SYNCRIP: variants seen among roughly 807,000 people sequenced by gnomAD.
The protein encoded by SYNCRIP is heterogeneous nuclear ribonucleoprotein Q.
SYNCRIP carries 9 observed loss-of-function variants against 68.9 expected under a neutral mutation model. The ratio of observed to expected loss-of-function variants is 0.13; its 90% CI spans 0.08 to 0.23. The LOEUF is 0.23. Among genes scored for constraint, SYNCRIP ranks in the 10% least tolerant of loss-of-function variants. The probability of loss-of-function intolerance (pLI) is 1.00; values close to 1 mark genes in which losing one functional copy is unlikely to be tolerated. For synonymous variants in SYNCRIP, 258 were observed against 254.0 expected (o/e 1.02, Z -0.15); for missense variants, 414 against 770.6 (o/e 0.54, Z 5.48).
intron 4 of SYNCRIP, among the ~76,000 whole-genome samples, chr6:85,638,278 C>T (rs1288599788): frequency 6.9e-6 from 1 of 145,804 alleles, no homozygotes; most frequent in Non-Finnish European, 1.5e-5. Flanking sequence ...GAGGCTGAGG[C>T]AGAGAACTGC....
chr6:85,625,128 T>C (rs981766090), intron 6 of SYNCRIP, among the ~76,000 whole-genome samples: 3 of 152,112 alleles, frequency 2.0e-5, no homozygotes, highest in African/African-American at 7.2e-5. Context: ...TCCCTGTCCC[T>C]TCCCCATCTC....
At chr6:85,629,816 A>G (rs949828366) in intron 6 of SYNCRIP, among the ~76,000 whole-genome samples, 2 of 150,974 alleles carry the variant, frequency 1.3e-5, no homozygotes, top group South Asian at 2.1e-4. Context: ...GGCGAGATTC[A>G]TATCAAAACA....
At chr6:85,633,009 T>C (rs955448382) in intron 6 of SYNCRIP, among the ~76,000 whole-genome samples, 2 of 151,932 alleles carry the variant, frequency 1.3e-5, no homozygotes, top group African/African-American at 4.8e-5. Flanking sequence ...TCCCAGCACT[T>C]TGGGAAGCCA....
intron 6 of SYNCRIP, among the ~76,000 whole-genome samples, chr6:85,633,123 G>T (rs1240954414): frequency 2.6e-5 from 4 of 151,910 alleles, no homozygotes; most frequent in African/African-American, 9.7e-5. Flanking sequence ...GGGTGTGGTG[G>T]TGGGTGCCTG....
intron 6 of SYNCRIP, among the ~76,000 whole-genome samples, chr6:85,624,876 C>T (rs1305929465): frequency 1.3e-5 from 2 of 152,136 alleles, no homozygotes; most frequent in African/African-American, 2.4e-5. Flanking sequence ...TAAAACCACA[C>T]CTCAAAATTT....
intron 6 of SYNCRIP, among the ~76,000 whole-genome samples, chr6:85,632,497 AT>A (rs1807914959): frequency 6.6e-6 from 1 of 152,262 alleles, no homozygotes; most frequent in African/African-American, 2.4e-5. Context: ...CCGCAAATGA[AT>A]ACAAAGTGGC....
Position 85,614,496 on chromosome 6 carries a change from T to C in SYNCRIP, c.*260A>G. On this transcript the variant is annotated 3_prime_UTR_variant, in exon 11 of 11. Transcript: ENST00000369622. ...TACAGCCAAATGGACTTGAGCCAAA[T>C]TTTCTCAAGCACAAATGCAAACTCA... 4.3e-6 allele frequency: 5 copies of C among 1,162,846 alleles called. No homozygotes were observed. Among genetic ancestry groups the C allele is most frequent in the Non-Finnish European group, 5.3e-6 (5 of 944,050 alleles). 72.0% of individuals were successfully genotyped at this position (1,162,846 alleles called of 1,614,324 possible).
downstream of SYNCRIP, chr6:85,607,941 T>C (rs1804962316): frequency 6.6e-6 from 1 of 152,054 alleles, no homozygotes; most frequent in Admixed American, 6.6e-5. Flanking sequence ...AAAAGTCTTG[T>C]CCTGATGGAA....
chr6:85,619,609 GA>G (rs1199606041), intron 8 of SYNCRIP, among the ~76,000 whole-genome samples, 192 bp from the exon 9 acceptor site: 2 of 152,078 alleles, frequency 1.3e-5, no homozygotes, highest in African/African-American at 4.8e-5. Context: ...TGAAAGACCT[GA>G]AATAGATGCT....
intron 6 of SYNCRIP, among the ~76,000 whole-genome samples, chr6:85,634,812 GCTCATGCCAGTAATC>G (rs1808261813): frequency 6.6e-6 from 1 of 152,186 alleles, no homozygotes; most frequent in South Asian, 2.1e-4. Flanking sequence ...AGGCAAGGTG[GCTCATGCCAGTAATC>G]CTTGCACTTT....
In SYNCRIP at chr6:85,637,715, T is replaced by A. The variant is rs556661644; in HGVS notation, c.376-359A>T. Among the ~76,000 whole-genome samples the A allele has an allele frequency of 2.6e-5, 4 of 152,332 alleles. No individual in the cohort carries two copies. In the East Asian group the frequency reaches 7.7e-4, roughly 29 times the overall value. ...TGATTGTACCTAATTTGGTTGAGCA[T>A]CTTTCAAATCTGGATCTCTCACCCA... On this transcript the variant is annotated intron_variant, in intron 4 of 10. Coordinates refer to ENST00000369622, the MANE Select transcript of SYNCRIP (RefSeq NM_006372.5).
At chr6:85,640,187 A>C in intron 4 of SYNCRIP, 34 bp downstream of exon 4, 1 of 1,443,930 alleles carries the variant, frequency 6.9e-7, no homozygotes, top group Non-Finnish European at 9.7e-7. Flanking sequence ...AGTTAAAATG[A>C]CTTTAAAACT....
In SYNCRIP at chr6:85,641,353, T is replaced by C. The variant is rs751091004; in HGVS notation, c.87A>G (p.Thr29=). The C allele has an allele frequency of 1.1e-5, 17 of 1,612,804 alleles. No homozygotes were observed. In the East Asian group the frequency reaches 2.5e-4, roughly 23 times the overall value. ...TCTGTGGTAAACCAGCATCAAGCAA[T>C]GTCTGAAAATTTTCTGAATGGATAA... ...SAVIHSENFQ[T]LLDAGLPQKV... Residue 29 remains threonine (T), a synonymous_variant, in exon 2 of 11, where the codon ACA becomes ACG. Coordinates refer to ENST00000369622, the MANE Select transcript of SYNCRIP (RefSeq NM_006372.5).
At chr6:85,626,989 G>A (rs989397522) in intron 6 of SYNCRIP, among the ~76,000 whole-genome samples, 3 of 152,140 alleles carry the variant, frequency 2.0e-5, no homozygotes, top group Middle Eastern at 3.2e-3. Context: ...ACTTGGGCCA[G>A]GCGCGGTGGC....
At chr6:85,617,554 T>C (rs780939878) in intron 10 of SYNCRIP, among the ~76,000 whole-genome samples, 6 of 152,252 alleles carry the variant, frequency 3.9e-5, no homozygotes, top group African/African-American at 7.2e-5. Flanking sequence ...CAAAGTATAT[T>C]TTCTTTGGTC....
intron 6 of SYNCRIP, among the ~76,000 whole-genome samples, chr6:85,631,436 T>A (rs1488670816): frequency 6.6e-6 from 1 of 151,552 alleles, no homozygotes; most frequent in Non-Finnish European, 1.5e-5. Context: ...AAGGAACTTG[T>A]CTGGATAGGG....
At chr6:85,633,020 A>G (rs1807994109) in intron 6 of SYNCRIP, among the ~76,000 whole-genome samples, 1 of 152,060 alleles carries the variant, frequency 6.6e-6, no homozygotes, top group East Asian at 1.9e-4. Context: ...TGGGAAGCCA[A>G]GGCGGGTGAA....
At chr6:85,634,171 T>A (rs933001083) in intron 6 of SYNCRIP, among the ~76,000 whole-genome samples, 3 of 152,222 alleles carry the variant, frequency 2.0e-5, no homozygotes, top group Non-Finnish European at 4.4e-5. Flanking sequence ...TGCAATTTTA[T>A]AATTTAACGT....
At chr6:85,612,288 A>T (rs577642388), downstream of SYNCRIP, 1 of 152,218 alleles carries the variant, frequency 6.6e-6, no homozygotes, top group South Asian at 2.1e-4. Flanking sequence ...CAACCCTTTT[A>T]AAAAGGTTCT....
Sources: gnomAD v4.1 joint callset for allele counts (sites outside exome capture counted in the v4.1 genomes callset) on GRCh38, gnomAD v4.1.1 for gene constraint, MANE v1.5 for transcripts, NCBI Gene and HGNC (gene_info 2026-07-23, HGNC 2026-07-21) for gene names.